The following ARHGAP45 variants were observed in gnomAD, a reference collection of about 807,000 sequenced individuals.
ARHGAP45 encodes the protein rho GTPase-activating protein 45.
In ARHGAP45, 56 loss-of-function variants were observed where a neutral mutation model predicts 116.1. The ratio of observed to expected loss-of-function variants is 0.48; its 90% CI spans 0.39 to 0.60. The LOEUF (loss-of-function observed/expected upper bound fraction) is 0.60. Among genes scored for constraint, ARHGAP45 ranks in the 20% least tolerant of loss-of-function variants. The probability of loss-of-function intolerance (pLI) is 0.00; values close to 1 mark genes in which losing one functional copy is unlikely to be tolerated. For synonymous variants in ARHGAP45, 866 were observed against 701.7 expected, an observed-to-expected ratio of 1.23 and a Z score of -3.70; for missense variants, 1,622 against 1,601.0, an observed-to-expected ratio of 1.01 and a Z score of -0.22.
At chr19:1,082,684 C>A in intron 19 of ARHGAP45, 156 bp from the exon 20 acceptor site, 1 of 628,608 alleles carries the variant, frequency 1.6e-6, no homozygotes, top group Non-Finnish European at 2.6e-6. Context: ...TCACGCTGGG[C>A]TGGGAAAGGG....
rs996212512 is a variant in ARHGAP45 at position 1,080,199 on chromosome 19, A to G, written c.1704-56A>G. 10 of 1,610,342 alleles carry G rather than the reference A, an allele frequency of 6.2e-6. No homozygotes were observed. In the African/African-American group the frequency reaches 1.2e-4, roughly 19 times the overall value. Reference sequence around the variant, plus strand: ...GCTTCCCTCTGTCGGGGGCATGAAGATGAAGCTGTCTTGCCCCCCATCACC... The same window carrying G: ...GCTTCCCTCTGTCGGGGGCATGAAGGTGAAGCTGTCTTGCCCCCCATCACC... On this transcript the variant is annotated intron_variant, in intron 13 of 22. Coordinates refer to ENST00000313093, the MANE Select transcript of ARHGAP45 (RefSeq NM_012292.5).
In ARHGAP45 at chr19:1,067,553, C is replaced by G. The variant is rs775637751; in HGVS notation, c.90+58C>G. ...CGCCGGGCCGCAGGGGGACAGGGACCCGCCCTGTGCTCGGGGCTCATGCTG... is the reference window on the plus strand; with the variant it reads ...CGCCGGGCCGCAGGGGGACAGGGACGCGCCCTGTGCTCGGGGCTCATGCTG... On this transcript the variant is annotated intron_variant, in intron 1 of 22. Coordinates refer to ENST00000313093, the MANE Select transcript of ARHGAP45 (RefSeq NM_012292.5). 12 of 1,451,692 alleles carry G rather than the reference C, an allele frequency of 8.3e-6. No individual in the cohort carries two copies. In the African/African-American group the frequency reaches 1.7e-4, roughly 20 times the overall value. The allele number at this position is 1,451,692 out of a possible 1,614,324, so 89.9% of individuals were successfully genotyped here.
In ARHGAP45 at chr19:1,069,043, G is replaced by C. The variant is rs975334467; in HGVS notation, c.421+299G>C. ...GCACAGGCTCAGAAACACGGAAACA[G>C]AGAATGCATTTGGGGGCCAAGGTGT... On this transcript the variant is annotated intron_variant, in intron 2 of 22. Coordinates refer to ENST00000313093, the MANE Select transcript of ARHGAP45 (RefSeq NM_012292.5). The surrounding 1 kb of genome is among the most constrained non-coding windows in gnomAD (Gnocchi z 4.1). 3.3e-5 allele frequency among the ~76,000 whole-genome samples: 5 copies of C among 152,142 alleles called. No individual in the cohort carries two copies. The highest frequency in any genetic ancestry group is 1.2e-4 in the African/African-American group (5 of 41,426).
intron 11 of ARHGAP45, among the ~76,000 whole-genome samples, chr19:1,078,557 T>C (rs1426202029): frequency 2.0e-5 from 3 of 150,960 alleles, no homozygotes; most frequent in Non-Finnish European, 3.0e-5. Flanking sequence ...TCAGCCACCC[T>C]GCCACCAAGC....
chr19:1,086,295 G>T lies in ARHGAP45; in HGVS notation c.*289G>T. 2.6e-6 allele frequency: 1 copy of T among 390,174 alleles called. No homozygotes were observed. The highest frequency in any genetic ancestry group is 4.7e-6 in the Non-Finnish European group (1 of 211,460). The allele number at this position is 390,174 out of a possible 1,614,324, so 24.2% of individuals were successfully genotyped here. A position where few individuals can be genotyped will look rare whatever the true frequency, so the allele number is the denominator to read the frequency against. On this transcript the variant is annotated 3_prime_UTR_variant, in exon 23 of 23. Coordinates refer to ENST00000313093, the MANE Select transcript of ARHGAP45 (RefSeq NM_012292.5). ...CAGTGGCCTTGTTGGTGCCCACAGG[G>T]CTGTGTGGATGGAGGAAGCTGTCCC...
intron 2 of ARHGAP45, among the ~76,000 whole-genome samples, chr19:1,072,147 C>T (rs559294783): frequency 2.0e-5 from 3 of 152,192 alleles, no homozygotes; most frequent in East Asian, 1.9e-4. Flanking sequence ...CTGCAACCTC[C>T]GCCTCCCAGC....
intron 18 of ARHGAP45, 43 bp downstream of exon 18, chr19:1,081,781 T>C: frequency 6.4e-7 from 1 of 1,568,530 alleles, no homozygotes; most frequent in African/African-American, 1.4e-5. Flanking sequence ...GAGGCGGGAG[T>C]GGGCCGAGGC....
chr19:1,084,488 C>A, intron 22 of ARHGAP45, 142 bp downstream of exon 22: 1 of 622,308 alleles, frequency 1.6e-6, no homozygotes, highest in Non-Finnish European at 2.8e-6. Flanking sequence ...ACGGAGACCA[C>A]ACCTATGAGC....
intron 17 of ARHGAP45, 95 bp downstream of exon 17, chr19:1,081,159 C>T (rs1287912299): frequency 2.9e-6 from 4 of 1,371,562 alleles, no homozygotes; most frequent in Admixed American, 2.4e-5. Context: ...ATGTCCGGCC[C>T]AGAGCAGGGA....
Position 1,085,817 on chromosome 19 carries a change from T to A in ARHGAP45, c.3222T>A (p.Ser1074Arg). 1 of 1,612,608 alleles carries A rather than the reference T, an allele frequency of 6.2e-7. No homozygotes were observed. The highest frequency in any genetic ancestry group is 8.5e-7 in the Non-Finnish European group (1 of 1,179,862). ...LEVASGSHSG[S>R]EEQLEATARE... Reference sequence around the variant, plus strand: ...TGGCTTCTGGCAGCCACAGCGGCAGTGAGGAGCAGCTGGAGGCCACAGCCC... The same window carrying A: ...TGGCTTCTGGCAGCCACAGCGGCAGAGAGGAGCAGCTGGAGGCCACAGCCC... The change falls in exon 23 of 23, where the codon AGT (serine) becomes AGA (arginine). Residue 1074 changes from serine (S) to arginine (R), a missense_variant. Around this residue, in one of 3 missense-constraint regions of ARHGAP45, gnomAD observed 1,334 missense variants for 1,263.8 expected, o/e 1.06. Coordinates refer to ENST00000313093, the MANE Select transcript of ARHGAP45 (RefSeq NM_012292.5).
chr19:1,073,796 C>T (rs369939926), intron 5 of ARHGAP45, 50 bp downstream of exon 5: 470 of 1,548,468 alleles, frequency 3.0e-4, no homozygotes, highest in Non-Finnish European at 3.9e-4. Flanking sequence ...GGAGGCCAGC[C>T]GGGTTCAGGT....
chr19:1,080,387 T>C lies in ARHGAP45; in HGVS notation c.1828+8T>C, dbSNP rs748563736. 1 of 1,607,566 alleles carries C rather than the reference T, an allele frequency of 6.2e-7. No individual in the cohort carries two copies. The highest frequency in any genetic ancestry group is 8.5e-7 in the Non-Finnish European group (1 of 1,178,890). On this transcript the variant is annotated splice_region_variant and intron_variant, in intron 14 of 22. Transcript: ENST00000313093. Reference sequence around the variant, plus strand: ...CTGCCAAGGACCACAGGGGTGAGTGTCCGGCGGGGCCCAGGGGCGGACGCT... The same window carrying C: ...CTGCCAAGGACCACAGGGGTGAGTGCCCGGCGGGGCCCAGGGGCGGACGCT...
chr19:1,070,064 C>T (rs1308791539), intron 2 of ARHGAP45, among the ~76,000 whole-genome samples: 4 of 151,902 alleles, frequency 2.6e-5, no homozygotes, highest in Non-Finnish European at 5.9e-5. Flanking sequence ...GGCGCGATCT[C>T]GGCTCATTGC....
rs1366344399 is a variant in ARHGAP45, at chr19:1,069,883, T to C, written c.421+1139T>C. ...CCAGGCTGGAGTCCAGTGGTGTGATTGAGGCTCACTGTTACCTTGAACTCC... is the reference window on the plus strand; with the variant it reads ...CCAGGCTGGAGTCCAGTGGTGTGATCGAGGCTCACTGTTACCTTGAACTCC... On this transcript the variant is annotated intron_variant, in intron 2 of 22. Transcript: ENST00000313093. The surrounding 1 kb of genome is among the most constrained non-coding windows in gnomAD (Gnocchi z 4.1). Among the ~76,000 whole-genome samples, 2 of 151,412 alleles carry C rather than the reference T, an allele frequency of 1.3e-5. No individual in the cohort carries two copies. Among genetic ancestry groups the C allele is most frequent in the Non-Finnish European group, 2.9e-5 (2 of 67,818 alleles).
At chr19:1,081,526 C>T (rs990549697) in intron 17 of ARHGAP45, 24 bp from the exon 18 acceptor site, 5 of 1,449,082 alleles carry the variant, frequency 3.5e-6, no homozygotes, top group African/African-American at 2.9e-5. Context: ...CGGGGCTGGG[C>T]TCACTCACTC....
Position 1,074,641 on chromosome 19 carries a change from T to G in ARHGAP45, c.1021T>G (p.Ser341Ala), listed in dbSNP as rs1466320578. The change falls in exon 9 of 23, where the codon TCG becomes GCG. Residue 341 changes from serine (S) to alanine (A), a missense_variant. This residue lies in a region of ARHGAP45 where 1,334 missense variants were observed against 1,263.8 expected (regional missense o/e 1.06). Transcript: ENST00000313093. ...EPHMPLLSIY[S>A]LALEQDLEFG... ...CCACATGCCGCTCCTGTCCATCTAC[T>G]CGCTGGCCCTGGAGCAGGACCTGGA... The G allele has an allele frequency of 5.6e-6, 9 of 1,605,644 alleles. No homozygotes were observed. The highest frequency in any genetic ancestry group is 7.6e-6 in the Non-Finnish European group (9 of 1,177,052).
At position 1,082,899 on chromosome 19, in the gene ARHGAP45, C is replaced by T. The variant is rs1371671548; in HGVS notation, c.2577C>T (p.Asp859=). Residue 859 remains aspartate, a synonymous_variant, in exon 20 of 23, where the codon GAC becomes GAT. Transcript: ENST00000313093. The stretch of plus-strand genomic sequence containing the variant: ...ACGAGCTCGTAGGGCTGGCCAAGGA[C>T]AGCCTGAAGGCAGAGGCCGAGGCCA... ...LYHELVGLAK[D]SLKAEAEAKA... is the part of the protein sequence containing the mutation. The T allele has an allele frequency of 6.3e-6, 10 of 1,592,572 alleles. No individual in the cohort carries two copies. The highest frequency in any genetic ancestry group is 8.5e-6 in the Non-Finnish European group (10 of 1,170,030).
In ARHGAP45 at chr19:1,081,571, A is replaced by C; in HGVS notation, c.2212A>C (p.Lys738Gln). 6.7e-7 allele frequency: 1 copy of C among 1,491,192 alleles called. No homozygotes were observed. The allele number at this position is 1,491,192 out of a possible 1,614,324, so 92.4% of individuals were successfully genotyped here. Residue 738 changes from lysine to glutamine, a missense_variant, in exon 18 of 23, where the codon AAA becomes CAA. Physicochemically the swap from Lys to Gln is moderately conservative, Grantham distance 53 (BLOSUM62 1). This residue lies in a region of ARHGAP45 where 1,334 missense variants were observed against 1,263.8 expected (regional missense o/e 1.06). Transcript: ENST00000313093. ...CEECCLACHK[K>Q]CLETLAIQCG... ...CCAGTGCTGCCTGGCCTGCCACAAGAAATGTCTGGAGACGCTGGCCATACA... is the reference window on the plus strand; with the variant it reads ...CCAGTGCTGCCTGGCCTGCCACAAGCAATGTCTGGAGACGCTGGCCATACA...
upstream of ARHGAP45, chr19:1,066,370 A>T: frequency 3.4e-6 from 2 of 586,016 alleles, no homozygotes; most frequent in Middle Eastern, 4.6e-4. Context: ...TGTTATCAGC[A>T]ACGGGTGCCT....
Sources: gnomAD v4.1 joint callset for allele counts (sites outside exome capture counted in the v4.1 genomes callset) on GRCh38, gnomAD v4.1.1 for gene constraint, gnomAD v4.1.1 regional missense constraint, Gnocchi (gnomAD v3.1) non-coding constraint, MANE v1.5 for transcripts, NCBI Gene and HGNC (gene_info 2026-07-23, HGNC 2026-07-21) for gene names.